Variants in ECT2L observed in about 807,000 individuals in gnomAD.
ECT2L encodes the protein epithelial cell-transforming sequence 2 oncogene-like.
Under a neutral mutation model 122.8 loss-of-function variants are expected in ECT2L, and 126 were observed. The ratio of observed to expected loss-of-function variants is 1.03; its 90% CI spans 0.89 to 1.19. ECT2L has a LOEUF of 1.19. Among genes scored for constraint, ECT2L ranks in the 50% most tolerant of loss-of-function variants. The pLI is 0.00. For missense variants in ECT2L, 1,012 were observed against 1,064.1 expected (o/e 0.95, Z 0.68); for synonymous variants, 385 against 381.8 (o/e 1.01, Z -0.10).
chr6:138,849,895 T>C (rs1362053634), intron 9 of ECT2L, among the ~76,000 whole-genome samples: 1 of 152,118 alleles, frequency 6.6e-6, no homozygotes, highest in Non-Finnish European at 1.5e-5. Context: ...CAAATTTTGA[T>C]TAAAGAAACA....
intron 4 of ECT2L, among the ~76,000 whole-genome samples, chr6:138,818,374 C>G (rs538432650): frequency 6.6e-6 from 1 of 152,126 alleles, no homozygotes; most frequent in Non-Finnish European, 1.5e-5. Flanking sequence ...ATTCTTCCCA[C>G]GCAGCCTGTG....
At chr6:138,902,377 ATATG>A (rs1779430986) in intron 21 of ECT2L, 119 bp from the exon 22 acceptor site, 3 of 788,328 alleles carry the variant, frequency 3.8e-6, no homozygotes, top group Admixed American at 2.8e-5. Context: ...TCTACACTGA[ATATG>A]TATTTCTTTT....
intron 4 of ECT2L, among the ~76,000 whole-genome samples, chr6:138,827,644 C>T (rs1776497446): frequency 6.6e-6 from 1 of 152,104 alleles, no homozygotes; most frequent in Non-Finnish European, 1.5e-5. Context: ...GCAACCTCCA[C>T]CTCCCAGGTT....
At chr6:138,869,943 A>C (rs1350470189) in intron 13 of ECT2L, among the ~76,000 whole-genome samples, 4 of 152,164 alleles carry the variant, frequency 2.6e-5, no homozygotes, top group Non-Finnish European at 4.4e-5. Context: ...TCTTAACTGG[A>C]TTGTGACAAA....
At chr6:138,896,032 T>G (rs961286593) in intron 20 of ECT2L, among the ~76,000 whole-genome samples, 5 of 152,194 alleles carry the variant, frequency 3.3e-5, no homozygotes, top group African/African-American at 1.2e-4. Flanking sequence ...TAGAATATAT[T>G]TTGTACCTTG....
chr6:138,827,303 G>A (rs900301268), intron 4 of ECT2L, among the ~76,000 whole-genome samples: 11 of 151,974 alleles, frequency 7.2e-5, no homozygotes, highest in African/African-American at 1.2e-4. Flanking sequence ...AGCTGAGATC[G>A]TGCCATTGCA....
chr6:138,797,193 A>G (rs561636416), intron 1 of ECT2L, among the ~76,000 whole-genome samples: 1 of 152,340 alleles, frequency 6.6e-6, no homozygotes, highest in African/African-American at 2.4e-5. Context: ...ATGTAGTTTT[A>G]CATGCCCTAA....
rs17067993 is a variant in ECT2L at position 138,885,800 on chromosome 6, A to C, written c.2229A>C (p.Gln743His). Residue 743 changes from glutamine (Q) to histidine (H), a missense_variant, in exon 18 of 22, where the codon CAA (glutamine) becomes CAC (histidine). Physicochemically the swap from Gln to His is conservative, Grantham distance 24. Transcript: ENST00000541398. The part of the protein sequence containing the change: ...DRGDLTTAID[Q>H]IKKYKGYIDQ... ...GGGACTTGACCACTGCAATTGACCA[A>C]ATCAAAAAATATAAAGGTTATATAG... 1.6e-4 allele frequency: 252 copies of C among 1,614,096 alleles called. No homozygotes were observed. The highest frequency in any genetic ancestry group is 4.3e-4 in the Admixed American group (26 of 60,004).
chr6:138,842,615 C>CA (rs1307636596), intron 5 of ECT2L, among the ~76,000 whole-genome samples: 5 of 151,848 alleles, frequency 3.3e-5, no homozygotes, highest in East Asian at 1.9e-4. Flanking sequence ...ACTAAAAAAA[C>CA]AAAAAAATTA....
intron 1 of ECT2L, among the ~76,000 whole-genome samples, chr6:138,801,795 A>T (rs1045213914): frequency 2.0e-5 from 3 of 152,210 alleles, no homozygotes; most frequent in African/African-American, 7.2e-5. Context: ...TAAGTAGATG[A>T]AGAAAAATAC....
chr6:138,805,215 CACTGGACT>C (rs938465294), intron 1 of ECT2L, among the ~76,000 whole-genome samples: 6 of 152,164 alleles, frequency 3.9e-5, no homozygotes, highest in Non-Finnish European at 7.3e-5. Context: ...TAGATTTATC[CACTGGACT>C]ACTGGTGGAT....
At chr6:138,896,568 A>G (rs999275341) in intron 20 of ECT2L, among the ~76,000 whole-genome samples, 1 of 152,214 alleles carries the variant, frequency 6.6e-6, no homozygotes, top group Admixed American at 6.5e-5. Flanking sequence ...CCACCAGGCT[A>G]GGTGATAATC....
chr6:138,877,527 TATA>T, intron 14 of ECT2L, among the ~76,000 whole-genome samples: 1 of 152,244 alleles, frequency 6.6e-6, no homozygotes, highest in East Asian at 1.9e-4. Context: ...GAAATACACA[TATA>T]ATATTAAAAA....
intron 1 of ECT2L, among the ~76,000 whole-genome samples, chr6:138,797,982 G>T (rs1301626097): frequency 6.6e-6 from 1 of 152,226 alleles, no homozygotes; most frequent in East Asian, 1.9e-4. Flanking sequence ...ATTTGCTAGA[G>T]TGACTCACGG....
At chr6:138,827,283 G>A (rs933712318) in intron 4 of ECT2L, among the ~76,000 whole-genome samples, 1 of 144,088 alleles carries the variant, frequency 6.9e-6, no homozygotes, top group Non-Finnish European at 1.5e-5. Flanking sequence ...GGGAGGTGGA[G>A]GTTGTAGTGA....
At chr6:138,843,977 C>T (rs1037222115) in intron 6 of ECT2L, among the ~76,000 whole-genome samples, 3 of 152,152 alleles carry the variant, frequency 2.0e-5, no homozygotes, top group East Asian at 3.9e-4. Context: ...GGCAGAGCCA[C>T]GGCGCCCAGC....
At chr6:138,863,072 A>G (rs1777895236) in intron 11 of ECT2L, among the ~76,000 whole-genome samples, 1 of 152,242 alleles carries the variant, frequency 6.6e-6, no homozygotes, top group South Asian at 2.1e-4. Context: ...TATTTGGAAA[A>G]ATAAATCGTA....
rs183965501 is a variant in ECT2L at position 138,807,165 on chromosome 6, G to C, written c.-243-5673G>C. 4.6e-4 allele frequency among the ~76,000 whole-genome samples: 69 copies of C among 151,648 alleles called. 2 individuals are homozygous for C. The East Asian group carries it at 0.012, about 26-fold the overall frequency. On this transcript the variant is annotated intron_variant, in intron 1 of 21. Coordinates refer to ENST00000541398, the MANE Select transcript of ECT2L (RefSeq NM_001077706.3). The stretch of plus-strand genomic sequence containing the variant: ...TGGTTGTATTTTTTTGTGGAGACAG[G>C]GTTTTGCCATGTTGTCCAAGCTTGT...
intron 4 of ECT2L, among the ~76,000 whole-genome samples, chr6:138,826,071 C>T (rs1381277806): frequency 6.6e-6 from 1 of 152,192 alleles, no homozygotes; most frequent in East Asian, 1.9e-4. Context: ...ATCGCTGTTC[C>T]ACTCACTGAC....
Sources: gnomAD v4.1 joint callset for allele counts (sites outside exome capture counted in the v4.1 genomes callset) on GRCh38, gnomAD v4.1.1 for gene constraint, MANE v1.5 for transcripts, NCBI Gene and HGNC (gene_info 2026-07-23, HGNC 2026-07-21) for gene names.